Variants in TNIP3 observed in about 807,000 individuals in gnomAD.
The protein encoded by TNIP3 is TNFAIP3-interacting protein 3.
TNIP3 carries 34 observed loss-of-function variants against 54.1 expected under a neutral mutation model. The observed-to-expected ratio is 0.63, with a 90% CI of 0.48 to 0.84. The LOEUF (loss-of-function observed/expected upper bound fraction) is 0.84. Ranked by LOEUF, TNIP3 falls within the 40% of genes least tolerant of loss-of-function variation. The pLI is 0.00. For missense variants in TNIP3, 366 were observed against 387.6 expected (o/e 0.94, Z 0.47); for synonymous variants, 134 against 136.8 (o/e 0.98, Z 0.14).
At chr4:121,225,804 CA>C (rs927876068) in intron 1 of TNIP3, among the ~76,000 whole-genome samples, 1 of 152,158 alleles carries the variant, frequency 6.6e-6, no homozygotes, top group Admixed American at 6.5e-5. Flanking sequence ...AGGAGGCCCC[CA>C]GGACTTTTGA....
rs188673390 is a variant in TNIP3, at chr4:121,183,324, T to A, written c.69-528A>T. On this transcript the variant is annotated intron_variant, in intron 2 of 12. Coordinates refer to the TNIP3 transcript ENST00000507879. ...ACCTGAAAACAAATCCCTAAGCAGCTACTTGCCACCACATGGAAATAATAT... is the reference window on the plus strand; with the variant it reads ...ACCTGAAAACAAATCCCTAAGCAGCAACTTGCCACCACATGGAAATAATAT... Among the ~76,000 whole-genome samples, 386 of 152,348 alleles carry A rather than the reference T, an allele frequency of 2.5e-3. 4 individuals carry two copies. Among genetic ancestry groups the A allele is most frequent in the Non-Finnish European group, 6.8e-4 (46 of 68,024 alleles).
chr4:121,150,194 T>C lies in TNIP3; in HGVS notation c.518A>G (p.Lys173Arg). 6.2e-7 allele frequency: 1 copy of C among 1,613,642 alleles called. No individual in the cohort carries two copies. Among genetic ancestry groups the C allele is most frequent in the Non-Finnish European group, 8.5e-7 (1 of 1,179,678 alleles). ...CAAACAGTCCTCGGAAAATGAACAC[T>C]TGATATTCAAGGCATCCTGAAGAGC... ...NKALQDALNIKCSFSEDCLRK... is the reference protein window; with the variant it reads ...NKALQDALNIRCSFSEDCLRK... The change falls in exon 6 of 11, where the codon AAG becomes AGG. Residue 173 changes from lysine (K) to arginine (R), a missense_variant. Transcript: ENST00000057513.
At chr4:121,204,691 C>T (rs1726083453) in intron 2 of TNIP3, among the ~76,000 whole-genome samples, 1 of 152,066 alleles carries the variant, frequency 6.6e-6, no homozygotes, top group Admixed American at 6.5e-5. Context: ...TTCTTACATA[C>T]TAGTATTTTA....
At chr4:121,217,367 CA>C (rs935760613), upstream of TNIP3, among the ~76,000 whole-genome samples, 37 of 148,482 alleles carry the variant, frequency 2.5e-4, no homozygotes, top group African/African-American at 7.9e-4. Flanking sequence ...TAACAACAAC[CA>C]AAAAAAAAAG....
rs1456648861 is a variant in TNIP3 at position 121,157,251 on chromosome 4, G to T, written c.214-8C>A. ...CGTCTTCAGCTCTGCTACCTGAGGAGGTCGTTCAAAGACAGCTGCAGATAC... is the reference window on the plus strand; with the variant it reads ...CGTCTTCAGCTCTGCTACCTGAGGATGTCGTTCAAAGACAGCTGCAGATAC... On this transcript the variant is annotated splice_region_variant and splice_polypyrimidine_tract_variant and intron_variant, in intron 3 of 10. Transcript: ENST00000057513. The T allele has an allele frequency of 6.2e-7, 1 of 1,614,052 alleles. No homozygotes were observed. The highest frequency in any genetic ancestry group is 2.2e-5 in the East Asian group (1 of 44,870).
intron 2 of TNIP3, among the ~76,000 whole-genome samples, chr4:121,205,528 G>A (rs929744259): frequency 9.9e-5 from 15 of 152,120 alleles, no homozygotes; most frequent in African/African-American, 2.2e-4. Flanking sequence ...GATCACTCTC[G>A]TTGGTGGGTT....
chr4:121,190,949 AC>A (rs1366349207), intron 2 of TNIP3, among the ~76,000 whole-genome samples: 1 of 152,186 alleles, frequency 6.6e-6, no homozygotes, highest in Non-Finnish European at 1.5e-5. Context: ...AGAGGGTCAA[AC>A]ACTGTTACTC....
At chr4:121,158,539 A>T (rs1207714116) in intron 3 of TNIP3, 148 bp downstream of exon 3, 8 of 699,172 alleles carry the variant, frequency 1.1e-5, no homozygotes. Flanking sequence ...CATGAGACCA[A>T]TACTACACTT....
At chr4:121,207,517 A>G (rs1177294489) in intron 2 of TNIP3, among the ~76,000 whole-genome samples, 1 of 152,214 alleles carries the variant, frequency 6.6e-6, no homozygotes, top group Non-Finnish European at 1.5e-5. Context: ...TCATAATTTC[A>G]GTGATGTTTA....
intron 10 of TNIP3, among the ~76,000 whole-genome samples, chr4:121,137,065 C>T (rs1728828635): frequency 6.6e-6 from 1 of 152,102 alleles, no homozygotes; most frequent in South Asian, 2.1e-4. Context: ...AATGTCATCA[C>T]AATTCATTTC....
intron 7 of TNIP3, among the ~76,000 whole-genome samples, chr4:121,143,250 G>C (rs1362881834): frequency 6.6e-6 from 1 of 152,176 alleles, no homozygotes; most frequent in East Asian, 1.9e-4. Context: ...TAAGACATAA[G>C]ATTCTGAGTA....
intron 5 of TNIP3, among the ~76,000 whole-genome samples, chr4:121,153,080 GA>G (rs2148808378): frequency 6.6e-6 from 1 of 152,276 alleles, no homozygotes; most frequent in South Asian, 2.1e-4. Flanking sequence ...TCATCTTTGA[GA>G]GGTGACATTT....
chr4:121,197,143 C>T (rs938993754), intron 2 of TNIP3, among the ~76,000 whole-genome samples: 1 of 152,032 alleles, frequency 6.6e-6, no homozygotes, highest in East Asian at 1.9e-4. Context: ...TCATAAATTA[C>T]AAGCAGATGG....
chr4:121,221,808 TTTCATCACC>T (rs1727036376), intron 1 of TNIP3, among the ~76,000 whole-genome samples: 1 of 152,206 alleles, frequency 6.6e-6, no homozygotes, highest in Non-Finnish European at 1.5e-5. Flanking sequence ...ATCAGGGGAC[TTTCATCACC>T]TATTTCCTTC....
At chr4:121,152,153 C>A (rs1438901888) in intron 5 of TNIP3, among the ~76,000 whole-genome samples, 2 of 152,176 alleles carry the variant, frequency 1.3e-5, no homozygotes, top group Admixed American at 1.3e-4. Flanking sequence ...GTGAATGGGT[C>A]AGCAAGCATT....
intron 9 of TNIP3, 73 bp downstream of exon 9, chr4:121,141,743 G>T: frequency 9.5e-7 from 1 of 1,055,388 alleles, no homozygotes; most frequent in Non-Finnish European, 1.3e-6. Context: ...ATAATGTGCT[G>T]AAATTCCAGA....
upstream of TNIP3, among the ~76,000 whole-genome samples, chr4:121,217,238 AC>A (rs1726835925): frequency 1.3e-5 from 2 of 152,180 alleles, no homozygotes; most frequent in South Asian, 4.1e-4. Flanking sequence ...GGCAATTAAC[AC>A]ATTTTAAATG....
At position 121,164,209 on chromosome 4, in the gene TNIP3, A is replaced by G; in HGVS notation, c.-84T>C. ...TAAGGTATATTTTAGGGTGAGAGCA[A>G]GTATACAAAATTTAAAAAACACACA... is the stretch of plus-strand genomic sequence containing the variant. On this transcript the variant is annotated 5_prime_UTR_variant, in exon 1 of 11. Coordinates refer to ENST00000057513, the MANE Select transcript of TNIP3 (RefSeq NM_024873.6). 6.3e-7 allele frequency: 1 copy of G among 1,593,474 alleles called. No homozygotes were observed. Among genetic ancestry groups the G allele is most frequent in the South Asian group, 1.1e-5 (1 of 88,324 alleles).
At chr4:121,214,049 C>T (rs143247724) in intron 2 of TNIP3, among the ~76,000 whole-genome samples, 44 of 152,254 alleles carry the variant, frequency 2.9e-4, no homozygotes, top group African/African-American at 1.0e-3. Flanking sequence ...AATATCAATA[C>T]GTAGGACCGA....
Sources: allele counts gnomAD v4.1 joint callset (sites outside exome capture counted in the v4.1 genomes callset), GRCh38; gene constraint gnomAD v4.1.1; transcripts MANE v1.5; gene names NCBI Gene and HGNC (gene_info 2026-07-23, HGNC 2026-07-21).